Variants in OTOGL observed in about 807,000 individuals in gnomAD.
OTOGL encodes otogelin-like protein.
Under a neutral mutation model 318.5 loss-of-function variants are expected in OTOGL, and 285 were observed. That is an observed-to-expected ratio of 0.89 (90% CI 0.81 to 0.99). The LOEUF (loss-of-function observed/expected upper bound fraction) is 0.99, where lower values mean the gene tolerates loss of function less well. Ranked by LOEUF, OTOGL falls within the 50% of genes least tolerant of loss-of-function variation. The pLI is 0.00. For missense variants in OTOGL, 2,899 were observed against 2,845.6 expected (o/e 1.02, Z -0.43); for synonymous variants, 987 against 936.5 (o/e 1.05, Z -0.99).
At chr12:80,264,883 C>A in intron 19 of OTOGL, 118 bp from the exon 20 acceptor site, 3 of 1,039,240 alleles carry the variant, frequency 2.9e-6, no homozygotes, top group East Asian at 4.8e-5. Flanking sequence ...TGAAATTGTT[C>A]ACTCTTGTAT....
chr12:80,368,612 T>G (rs1890698119), intron 55 of OTOGL, among the ~76,000 whole-genome samples: 1 of 152,150 alleles, frequency 6.6e-6, no homozygotes, highest in Non-Finnish European at 1.5e-5. Flanking sequence ...AATTAATATT[T>G]TTATGTGACA....
intron 29 of OTOGL, among the ~76,000 whole-genome samples, chr12:80,308,959 AAG>A (rs1237628862): frequency 1.4e-5 from 2 of 146,588 alleles, no homozygotes; most frequent in East Asian, 2.1e-4. Context: ...AGACCGTGGA[AAG>A]AGAGGGAGAG....
chr12:80,290,049 T>G (rs1884930667), intron 26 of OTOGL, among the ~76,000 whole-genome samples: 3 of 152,176 alleles, frequency 2.0e-5, no homozygotes, highest in African/African-American at 7.2e-5. Context: ...GGGAATCTCC[T>G]GGTTTGTGGG....
At chr12:80,203,330 T>A (rs1358789737) in intron 1 of OTOGL, among the ~76,000 whole-genome samples, 3 of 147,234 alleles carry the variant, frequency 2.0e-5, no homozygotes, top group African/African-American at 7.4e-5. Flanking sequence ...CATCTTCAAA[T>A]TTTTTTTTTT....
chr12:80,210,135 C>T, intron 2 of OTOGL, among the ~76,000 whole-genome samples: 1 of 152,040 alleles, frequency 6.6e-6, no homozygotes, highest in South Asian at 2.1e-4. Context: ...CATAACACAC[C>T]TTCACGTGCC....
intron 35 of OTOGL, among the ~76,000 whole-genome samples, chr12:80,326,441 T>C (rs1887683681): frequency 6.6e-6 from 1 of 152,188 alleles, no homozygotes; most frequent in Non-Finnish European, 1.5e-5. Context: ...AAACCTGCTA[T>C]GTTGATGATA....
intron 1 of OTOGL, among the ~76,000 whole-genome samples, chr12:80,156,558 G>A (rs148623764): frequency 1.2e-3 from 189 of 152,312 alleles, no homozygotes; most frequent in Non-Finnish European, 2.4e-3. Context: ...AAGGGACCCG[G>A]TGGGAGATAA....
At chr12:80,212,113 A>G in intron 4 of OTOGL, 116 bp downstream of exon 4, 1 of 1,078,530 alleles carries the variant, frequency 9.3e-7, no homozygotes, top group Non-Finnish European at 1.3e-6. Context: ...TAAGAACAAG[A>G]CAGGAAGGAG....
chr12:80,255,584 G>A (rs1370631587), intron 16 of OTOGL, among the ~76,000 whole-genome samples: 1 of 151,712 alleles, frequency 6.6e-6, no homozygotes, highest in Non-Finnish European at 1.5e-5. Flanking sequence ...CTTCAACCTA[G>A]CTATTTTAAA....
At chr12:80,325,138 G>C (rs951630089) in intron 35 of OTOGL, among the ~76,000 whole-genome samples, 5 of 152,024 alleles carry the variant, frequency 3.3e-5, no homozygotes, top group Admixed American at 2.0e-4. Context: ...ACAATTATGA[G>C]GTTCTATTCT....
chr12:80,325,311 G>A (rs2137856938), intron 35 of OTOGL, among the ~76,000 whole-genome samples: 1 of 152,312 alleles, frequency 6.6e-6, no homozygotes, highest in African/African-American at 2.4e-5. Context: ...GAAGGAAACA[G>A]AAACAAAAGA....
At chr12:80,342,874 T>C (rs1888869428) in intron 44 of OTOGL, among the ~76,000 whole-genome samples, 1 of 152,042 alleles carries the variant, frequency 6.6e-6, no homozygotes, top group Admixed American at 6.6e-5. Context: ...TATGGAGTTT[T>C]AGATTTTTCT....
chr12:80,110,961 A>G (rs1869802552), intron 1 of OTOGL, among the ~76,000 whole-genome samples: 1 of 152,222 alleles, frequency 6.6e-6, no homozygotes, highest in Non-Finnish European at 1.5e-5. Flanking sequence ...GTGAAATGAT[A>G]TCTCATTGTG....
rs147902353 is a variant in OTOGL, at chr12:80,210,860, A to G, written c.93A>G (p.Ala31=). The G allele has an allele frequency of 2.5e-4, 373 of 1,477,288 alleles. No homozygotes were observed. In the African/African-American group the frequency reaches 4.9e-3, roughly 20 times the overall value. 91.5% of individuals were successfully genotyped at this position (1,477,288 alleles called of 1,614,324 possible). Residue 31 remains alanine (A), a synonymous_variant, in exon 3 of 59, where the codon GCA becomes GCG. Transcript: ENST00000547103. ...TGTCTCTGGCAGAATATATTTGTGC[A>G]TCGTCTATATTGATGGGAACATCAA... The part of the protein sequence containing the change: ...LLFSLQEYIC[A]SSILMGTSKN...
chr12:80,363,630 C>T (rs1299694367), intron 52 of OTOGL, among the ~76,000 whole-genome samples: 1 of 152,124 alleles, frequency 6.6e-6, no homozygotes, highest in African/African-American at 2.4e-5. Flanking sequence ...TTACTAGGTC[C>T]TTGGACAAAC....
In OTOGL at chr12:80,265,126, C is replaced by G; in HGVS notation, c.2140C>G (p.Leu714Val). ...TGCATGCAAGTGTGGAAGCTCCTGC[C>G]TGTGCAATGCTCTTGCCCACTATGC... ...HDACKCGSSC[L>V]CNALAHYAYL... The change falls in exon 20 of 59, where the codon CTG (leucine) becomes GTG (valine). Residue 714 changes from leucine to valine, a missense_variant. By Grantham distance (32) the Leu-to-Val change is conservative. Transcript: ENST00000547103. The G allele has an allele frequency of 6.2e-7, 1 of 1,613,888 alleles. No individual in the cohort carries two copies. The highest frequency in any genetic ancestry group is 8.5e-7 in the Non-Finnish European group (1 of 1,179,866).
chr12:80,321,646 T>G (rs1223345807), intron 34 of OTOGL, among the ~76,000 whole-genome samples: 1 of 152,206 alleles, frequency 6.6e-6, no homozygotes, highest in Non-Finnish European at 1.5e-5. Context: ...CAAAGATTCC[T>G]AAGTCTGGCA....
rs1427167901 is a variant in OTOGL at position 80,353,450 on chromosome 12, A to G, written c.5533A>G (p.Lys1845Glu). The change falls in exon 46 of 59, where the codon AAA becomes GAA. Residue 1845 changes from lysine to glutamate, a missense_variant. Lys to Glu is a moderately conservative substitution (Grantham distance 56). Transcript: ENST00000547103. The stretch of plus-strand genomic sequence containing the variant: ...GAATCTAAGAGAAGACTGTGTGTGC[A>G]AAGTTGGAACTATTCTTCACAGGCC... ...CLNLREDCVCKVGTILHRPHS... is the reference protein window; with the variant it reads ...CLNLREDCVCEVGTILHRPHS... 7 of 1,604,564 alleles carry G rather than the reference A, an allele frequency of 4.4e-6. 1 individual carries two copies. In the South Asian group the frequency reaches 7.9e-5, roughly 18 times the overall value.
chr12:80,177,211 G>C (rs765861125), intron 1 of OTOGL, among the ~76,000 whole-genome samples: 49 of 152,022 alleles, frequency 3.2e-4, no homozygotes, highest in Admixed American at 1.8e-3. Flanking sequence ...AAAACCAAGG[G>C]AATGAAGATT....
Sources: gnomAD v4.1 joint callset for allele counts (sites outside exome capture counted in the v4.1 genomes callset) on GRCh38, gnomAD v4.1.1 for gene constraint, MANE v1.5 for transcripts, NCBI Gene and HGNC (gene_info 2026-07-23, HGNC 2026-07-21) for gene names.